FBXO4: variants seen among roughly 807,000 people sequenced by gnomAD.
The protein encoded by FBXO4 is F-box protein 4.
A neutral mutation model predicts 43.7 loss-of-function variants in FBXO4; 36 were observed. The ratio of observed to expected loss-of-function variants is 0.82; its 90% CI spans 0.63 to 1.09. The LOEUF (loss-of-function observed/expected upper bound fraction) is 1.09, where lower values mean the gene tolerates loss of function less well. Among genes scored for constraint, FBXO4 ranks in the 50% least tolerant of loss-of-function variants. The pLI is 0.00. For missense variants in FBXO4, 435 were observed against 474.1 expected (o/e 0.92, Z 0.77); for synonymous variants, 180 against 165.6 (o/e 1.09, Z -0.67).
At chr5:41,938,020 A>G (rs547597001) in intron 5 of FBXO4, among the ~76,000 whole-genome samples, 1 of 152,338 alleles carries the variant, frequency 6.6e-6, no homozygotes, top group East Asian at 1.9e-4. Flanking sequence ...TCTTCACTAT[A>G]AGAAATCTTA....
At chr5:41,948,719 A>C in the FBXO4 span, among the ~76,000 whole-genome samples, 2 of 152,196 alleles carry the variant, frequency 1.3e-5, no homozygotes, top group African/African-American at 2.4e-5. Flanking sequence ...CATTTTTAGC[A>C]TTCTGTATTT....
At chr5:42,038,384 A>C in the FBXO4 span, among the ~76,000 whole-genome samples, 1 of 152,158 alleles carries the variant, frequency 6.6e-6, no homozygotes, top group East Asian at 1.9e-4. Flanking sequence ...AGGACAGTTG[A>C]AGCAGAGAAC....
At chr5:42,016,117 G>A in the FBXO4 span, among the ~76,000 whole-genome samples, 1 of 152,160 alleles carries the variant, frequency 6.6e-6, no homozygotes. Context: ...AAGAAAAATA[G>A]AGTAGCGAGC....
chr5:42,023,603 A>C, the FBXO4 span, among the ~76,000 whole-genome samples: 1 of 151,996 alleles, frequency 6.6e-6, no homozygotes, highest in South Asian at 2.1e-4. Context: ...GAAAGCAGAA[A>C]TATCCATGGC....
the FBXO4 span, among the ~76,000 whole-genome samples, chr5:42,018,502 AAAG>A: frequency 1.1e-4 from 16 of 152,172 alleles, no homozygotes; most frequent in South Asian, 2.1e-4. Flanking sequence ...CAGTTAAATG[AAAG>A]AAGATTATGT....
At chr5:41,997,000 C>T in the FBXO4 span, among the ~76,000 whole-genome samples, 2 of 152,342 alleles carry the variant, frequency 1.3e-5, no homozygotes, top group South Asian at 2.1e-4. Context: ...TGATCAAGTT[C>T]TCTCTGAATA....
the FBXO4 span, among the ~76,000 whole-genome samples, chr5:42,032,127 A>G: frequency 6.7e-6 from 1 of 148,338 alleles, no homozygotes; most frequent in Non-Finnish European, 1.5e-5. Flanking sequence ...CTGGGGGTGG[A>G]GTGACACAAT....
At chr5:41,942,301 T>A (rs1197902241), downstream of FBXO4, among the ~76,000 whole-genome samples, 6 of 152,074 alleles carry the variant, frequency 3.9e-5, 1 homozygote. Context: ...ACTTAGATAT[T>A]TGTAGTTTTA....
At chr5:42,023,926 C>G in the FBXO4 span, among the ~76,000 whole-genome samples, 1 of 151,976 alleles carries the variant, frequency 6.6e-6, no homozygotes, top group Non-Finnish European at 1.5e-5. Flanking sequence ...TTGCTGTTCT[C>G]CACACCAAAA....
At chr5:41,957,941 G>T in the FBXO4 span, among the ~76,000 whole-genome samples, 1 of 151,782 alleles carries the variant, frequency 6.6e-6, no homozygotes, top group South Asian at 2.1e-4. Context: ...GTTGGGTCTG[G>T]GCTTGTTTCT....
chr5:42,015,214 A>C, the FBXO4 span, among the ~76,000 whole-genome samples: 1 of 152,234 alleles, frequency 6.6e-6, no homozygotes, highest in Admixed American at 6.5e-5. Context: ...CTATTCTTTG[A>C]AAAAGTGTTT....
the FBXO4 span, among the ~76,000 whole-genome samples, chr5:42,035,987 G>T: frequency 6.6e-6 from 1 of 152,008 alleles, no homozygotes; most frequent in South Asian, 2.1e-4. Flanking sequence ...TATTAATTTT[G>T]TGCCATCAGT....
At chr5:41,980,379 T>C in the FBXO4 span, among the ~76,000 whole-genome samples, 2 of 152,170 alleles carry the variant, frequency 1.3e-5, no homozygotes, top group Non-Finnish European at 1.5e-5. Context: ...ATGAAATGAA[T>C]AAAAAAGGAT....
At chr5:41,975,679 A>C in the FBXO4 span, among the ~76,000 whole-genome samples, 1 of 152,202 alleles carries the variant, frequency 6.6e-6, no homozygotes, top group Non-Finnish European at 1.5e-5. Context: ...CTTGTGGCAA[A>C]ATATTCATAA....
the FBXO4 span, among the ~76,000 whole-genome samples, chr5:42,013,463 A>T: frequency 1.3e-5 from 2 of 152,176 alleles, no homozygotes; most frequent in African/African-American, 4.8e-5. Context: ...TTATCAAGTT[A>T]TAACCATTCC....
the FBXO4 span, among the ~76,000 whole-genome samples, chr5:42,013,997 A>G: frequency 6.6e-6 from 1 of 152,188 alleles, no homozygotes; most frequent in Non-Finnish European, 1.5e-5. Flanking sequence ...TAGCATAACC[A>G]TATGATAGGA....
chr5:41,936,634 A>G (rs113897560), intron 5 of FBXO4, among the ~76,000 whole-genome samples: 118 of 152,304 alleles, frequency 7.7e-4, no homozygotes, highest in African/African-American at 2.6e-3. Flanking sequence ...AGCTGTTTTG[A>G]AAAAGTAAAA....
At chr5:42,013,313 A>G in the FBXO4 span, among the ~76,000 whole-genome samples, 1 of 152,200 alleles carries the variant, frequency 6.6e-6, no homozygotes, top group African/African-American at 2.4e-5. Flanking sequence ...AAAGGTTTCT[A>G]TAGCCATTCA....
the FBXO4 span, chr5:41,967,964 T>C: frequency 2.0e-6 from 1 of 494,116 alleles, no homozygotes; most frequent in Non-Finnish European, 4.2e-6. Context: ...GGAGTTTTGC[T>C]GACCAGAGCC....
Sources: allele counts gnomAD v4.1 joint callset (sites outside exome capture counted in the v4.1 genomes callset), GRCh38; gene constraint gnomAD v4.1.1; transcripts MANE v1.5; gene names NCBI Gene and HGNC (gene_info 2026-07-23, HGNC 2026-07-21).